ACOXL: variants seen among roughly 807,000 people sequenced by gnomAD.
ACOXL encodes the protein acyl-coenzyme A oxidase-like protein.
Under a neutral mutation model 71.9 loss-of-function variants are expected in ACOXL, and 70 were observed. That is an observed-to-expected ratio of 0.97 (90% CI 0.80 to 1.19). The LOEUF (loss-of-function observed/expected upper bound fraction) is 1.19. Ranked by LOEUF, ACOXL falls within the 50% of genes most tolerant of loss-of-function variation. The pLI is 0.00. For synonymous variants in ACOXL, 253 were observed against 281.6 expected (o/e 0.90, Z 1.02); for missense variants, 703 against 736.3 (o/e 0.95, Z 0.52).
At chr2:110,938,839 CTT>C (rs34333677) in intron 12 of ACOXL, among the ~76,000 whole-genome samples, 7 of 148,186 alleles carry the variant, frequency 4.7e-5, no homozygotes, top group South Asian at 2.1e-4. Context: ...ACCCTGAACA[CTT>C]TTTTTTTTTT....
rs116942943 is a variant in ACOXL, at chr2:110,943,568, G to C, written c.1059+9926G>C. Among the ~76,000 whole-genome samples, 80 of 152,296 alleles carry C rather than the reference G, an allele frequency of 5.3e-4. No homozygotes were observed. In the East Asian group the frequency reaches 0.015, roughly 28 times the overall value. ...GCTTTGCAGTACAGAATGAGCAGAA[G>C]TCACTGGGTGAATGAGACCCCCTTA... On this transcript the variant is annotated intron_variant, in intron 12 of 17. Coordinates refer to ENST00000439055, the MANE Select transcript of ACOXL (RefSeq NM_001142807.4).
Position 111,089,942 on chromosome 2 carries a change from G to C in ACOXL, c.1441-2923G>C, listed in dbSNP as rs552303432. 1.1e-4 allele frequency among the ~76,000 whole-genome samples: 16 copies of C among 152,298 alleles called. No homozygotes were observed. The East Asian group carries it at 3.1e-3, about 29-fold the overall frequency. On this transcript the variant is annotated intron_variant, in intron 16 of 17. Coordinates refer to ENST00000439055, the MANE Select transcript of ACOXL (RefSeq NM_001142807.4). ...ATCCAGACTAGGCCACCAGTTTCAA[G>C]GTGGCCCAAGAGTTGAAACCAAGTG...
chr2:110,791,243 TC>T (rs944041151), intron 3 of ACOXL, among the ~76,000 whole-genome samples: 1 of 152,264 alleles, frequency 6.6e-6, no homozygotes, highest in Non-Finnish European at 1.5e-5. Flanking sequence ...TGCTGCAGTT[TC>T]CTGCAAACTT....
intron 14 of ACOXL, among the ~76,000 whole-genome samples, chr2:111,009,647 C>A (rs546593921): frequency 6.6e-6 from 1 of 152,132 alleles, no homozygotes; most frequent in Non-Finnish European, 1.5e-5. Flanking sequence ...GAATACCACT[C>A]AAATCCATGA....
chr2:110,934,373 T>A (rs1170014830), intron 12 of ACOXL, among the ~76,000 whole-genome samples: 1 of 152,146 alleles, frequency 6.6e-6, no homozygotes, highest in Admixed American at 6.5e-5. Flanking sequence ...GCAAGCCAGA[T>A]GTGGCAGCTA....
chr2:110,923,972 G>T (rs1279267708), intron 11 of ACOXL, among the ~76,000 whole-genome samples: 2 of 151,966 alleles, frequency 1.3e-5, no homozygotes, highest in East Asian at 3.9e-4. Flanking sequence ...ATGAATGTCA[G>T]TACAGATATA....
intron 11 of ACOXL, among the ~76,000 whole-genome samples, chr2:110,909,915 G>A (rs1330393744): frequency 6.6e-6 from 1 of 151,922 alleles, no homozygotes; most frequent in African/African-American, 2.4e-5. Flanking sequence ...ATCCATCCAT[G>A]CCACCTGGAA....
At chr2:110,950,808 G>A (rs2061299457) in intron 12 of ACOXL, among the ~76,000 whole-genome samples, 1 of 106,002 alleles carries the variant, frequency 9.4e-6, no homozygotes, top group African/African-American at 3.9e-5. Flanking sequence ...AGGGTGGGGG[G>A]TGGAGAGAGA....
chr2:110,993,038 C>G (rs1293716610), intron 13 of ACOXL, among the ~76,000 whole-genome samples: 1 of 152,224 alleles, frequency 6.6e-6, no homozygotes, highest in Admixed American at 6.5e-5. Flanking sequence ...CTCACCCATC[C>G]ATTCACCTTC....
intron 17 of ACOXL, among the ~76,000 whole-genome samples, chr2:111,111,453 A>G (rs934634038): frequency 2.6e-5 from 4 of 152,172 alleles, no homozygotes; most frequent in Non-Finnish European, 5.9e-5. Flanking sequence ...ACAACTACCT[A>G]ATTGAATATT....
chr2:110,990,614 G>T (rs1056055083), intron 13 of ACOXL, among the ~76,000 whole-genome samples: 1 of 152,146 alleles, frequency 6.6e-6, no homozygotes, highest in Admixed American at 6.5e-5. Context: ...TAGAGACAGG[G>T]TCTTGTGCTG....
chr2:110,762,333 A>G (rs1460867879), intron 1 of ACOXL, among the ~76,000 whole-genome samples: 1 of 152,094 alleles, frequency 6.6e-6, no homozygotes, highest in Non-Finnish European at 1.5e-5. Flanking sequence ...AACCATTTAC[A>G]TTTAGGGTAA....
chr2:110,826,440 C>T (rs761709655), intron 9 of ACOXL, among the ~76,000 whole-genome samples: 9 of 152,204 alleles, frequency 5.9e-5, no homozygotes, highest in Non-Finnish European at 1.2e-4. Context: ...GCTTCCTTCT[C>T]AGAGTTGATG....
intron 17 of ACOXL, among the ~76,000 whole-genome samples, chr2:111,111,318 T>TG (rs1215787273): frequency 6.6e-6 from 1 of 152,126 alleles, no homozygotes; most frequent in Non-Finnish European, 1.5e-5. Flanking sequence ...CAGACTTGTC[T>TG]GGAACTCCTG....
At chr2:110,981,642 A>G (rs1292823197) in intron 12 of ACOXL, among the ~76,000 whole-genome samples, 2 of 152,252 alleles carry the variant, frequency 1.3e-5, no homozygotes, top group Non-Finnish European at 2.9e-5. Context: ...CAAATGAATG[A>G]AGCTCATTCG....
At chr2:110,813,084 C>T (rs1573638637) in intron 9 of ACOXL, among the ~76,000 whole-genome samples, 1 of 152,296 alleles carries the variant, frequency 6.6e-6, no homozygotes, top group Middle Eastern at 3.4e-3. Context: ...AGCTGACATC[C>T]AGCCCTTCCC....
At chr2:110,962,676 A>G (rs555689542) in intron 12 of ACOXL, among the ~76,000 whole-genome samples, 1 of 152,352 alleles carries the variant, frequency 6.6e-6, no homozygotes, top group Admixed American at 6.5e-5. Context: ...CAGGCATGAA[A>G]GGTACCTGGA....
intron 8 of ACOXL, among the ~76,000 whole-genome samples, chr2:110,804,294 C>A (rs940506905): frequency 2.0e-5 from 3 of 152,050 alleles, no homozygotes; most frequent in African/African-American, 7.2e-5. Flanking sequence ...ACTGATGTCC[C>A]TTATTAAAGG....
intron 12 of ACOXL, among the ~76,000 whole-genome samples, chr2:110,969,041 T>C (rs2062061766): frequency 6.6e-6 from 1 of 152,178 alleles, no homozygotes; most frequent in African/African-American, 2.4e-5. Context: ...CTCTAAATAC[T>C]TGGAAATTAA....
Sources: gnomAD v4.1 joint callset for allele counts (sites outside exome capture counted in the v4.1 genomes callset) on GRCh38, gnomAD v4.1.1 for gene constraint, MANE v1.5 for transcripts, NCBI Gene and HGNC (gene_info 2026-07-23, HGNC 2026-07-21) for gene names.